The following ARID4B variants were observed in gnomAD, a reference collection of about 807,000 sequenced individuals.
ARID4B encodes AT-rich interaction domain 4B.
A neutral mutation model predicts 147.5 loss-of-function variants in ARID4B; 26 were observed. The ratio of observed to expected loss-of-function variants is 0.18; its 90% CI spans 0.13 to 0.24. The LOEUF (loss-of-function observed/expected upper bound fraction) is 0.24. Among genes scored for constraint, ARID4B ranks in the 10% least tolerant of loss-of-function variants. The pLI, the probability that ARID4B is intolerant of heterozygous loss-of-function variation, is 1.00. For missense variants in ARID4B, 1,179 were observed against 1,511.5 expected (o/e 0.78, Z 3.65); for synonymous variants, 512 against 507.9 (o/e 1.01, Z -0.11).
intron 2 of ARID4B, among the ~76,000 whole-genome samples, chr1:235,267,240 G>A (rs1032915577): frequency 2.0e-5 from 3 of 152,012 alleles, no homozygotes; most frequent in African/African-American, 4.8e-5. Context: ...ACTGCAACAC[G>A]GCACTCCAGC....
At chr1:235,207,456 C>T (rs1666380850) in intron 17 of ARID4B, among the ~76,000 whole-genome samples, 1 of 151,864 alleles carries the variant, frequency 6.6e-6, no homozygotes, top group South Asian at 2.1e-4. Context: ...CAGATGAGTA[C>T]TATAAAGCAA....
At chr1:235,274,353 TGACA>T (rs1671184841) in intron 2 of ARID4B, among the ~76,000 whole-genome samples, 2 of 151,840 alleles carry the variant, frequency 1.3e-5, no homozygotes, top group Non-Finnish European at 2.9e-5. Context: ...CCAGCCTGGG[TGACA>T]GTGAGACTCC....
chr1:235,178,227 A>T (rs898365761), intron 20 of ARID4B, among the ~76,000 whole-genome samples: 1 of 152,196 alleles, frequency 6.6e-6, no homozygotes, highest in African/African-American at 2.4e-5. Flanking sequence ...AATTAAAAGT[A>T]TATGCTGAAA....
Position 235,242,556 on chromosome 1 carries a change from G to C in ARID4B, c.447-2105C>G, listed in dbSNP as rs143129518. On this transcript the variant is annotated intron_variant, in intron 7 of 23. Coordinates refer to ENST00000264183, the MANE Select transcript of ARID4B (RefSeq NM_016374.6). Reference sequence around the variant, plus strand: ...AAGACTCATTCAGCTAGGGGTTTATGAACACTCTATTATCAGTAGCAGCTA... The same window carrying C: ...AAGACTCATTCAGCTAGGGGTTTATCAACACTCTATTATCAGTAGCAGCTA... Among the ~76,000 whole-genome samples the C allele has an allele frequency of 2.6e-3, 399 of 152,262 alleles. 2 individuals carry two copies. Among genetic ancestry groups the C allele is most frequent in the Middle Eastern group, 0.024 (7 of 294 alleles).
At chr1:235,226,039 T>C (rs12032572) in intron 11 of ARID4B, among the ~76,000 whole-genome samples, 44,769 of 152,116 alleles carry the variant, frequency 0.29, 7,707 homozygotes, top group South Asian at 0.53. Flanking sequence ...AATGTTCCCA[T>C]GGTACAATAT....
chr1:235,277,649 GTTTTGT>G (rs1671427415), intron 2 of ARID4B, among the ~76,000 whole-genome samples: 3 of 34,188 alleles, frequency 8.8e-5, no homozygotes, highest in Non-Finnish European at 1.8e-4. Context: ...TGTTTCATTG[GTTTTGT>G]TTTACATTTT....
At chr1:235,231,042 A>C (rs1410174550) in intron 10 of ARID4B, 71 bp downstream of exon 10, 1 of 1,106,992 alleles carries the variant, frequency 9.0e-7, no homozygotes, top group Admixed American at 2.4e-5. Flanking sequence ...AAGAGCAAAG[A>C]AAAATTTAAT....
intron 22 of ARID4B, 121 bp downstream of exon 22, chr1:235,175,063 C>T (rs2102904518): frequency 2.4e-6 from 2 of 846,434 alleles, no homozygotes; most frequent in Admixed American, 2.3e-5. Flanking sequence ...GCCAAGATCG[C>T]ACCACCGCAC....
At chr1:235,257,517 C>CT (rs1490079779) in intron 3 of ARID4B, among the ~76,000 whole-genome samples, 12 of 150,970 alleles carry the variant, frequency 7.9e-5, no homozygotes, top group African/African-American at 2.9e-4. Flanking sequence ...CAGTCTCACT[C>CT]TGTCGCCCAG....
intron 16 of ARID4B, among the ~76,000 whole-genome samples, chr1:235,216,574 C>T (rs1667096689): frequency 6.6e-6 from 1 of 152,088 alleles, no homozygotes; most frequent in Non-Finnish European, 1.5e-5. Flanking sequence ...AACTCCTGAC[C>T]TCAGGTGATC....
intron 17 of ARID4B, among the ~76,000 whole-genome samples, chr1:235,208,206 T>C (rs1666454175): frequency 1.3e-5 from 2 of 152,242 alleles, no homozygotes; most frequent in Non-Finnish European, 2.9e-5. Context: ...CAGTTGTTAC[T>C]AAACAAAGAA....
chr1:235,196,419 T>C (rs1331102612), intron 17 of ARID4B, among the ~76,000 whole-genome samples: 2 of 152,214 alleles, frequency 1.3e-5, no homozygotes, highest in African/African-American at 4.8e-5. Flanking sequence ...GTACAGTAAG[T>C]ATTAAGATAA....
intron 17 of ARID4B, among the ~76,000 whole-genome samples, chr1:235,210,759 C>T (rs1666663364): frequency 6.6e-6 from 1 of 152,164 alleles, no homozygotes; most frequent in South Asian, 2.1e-4. Flanking sequence ...TTCACAGTAA[C>T]ACAAGCATGT....
Position 235,220,333 on chromosome 1 carries a change from A to C in ARID4B, c.1376T>G (p.Ile459Ser). ...PREEKPIEDEIERKENIKPSL... is the reference protein window; with the variant it reads ...PREEKPIEDESERKENIKPSL... ...GGGCTTAATATTTTCTTTTCTTTCA[A>C]TTTCATCCTCAATAGGCTTTTCTTC... Residue 459 changes from isoleucine to serine, a missense_variant, in exon 15 of 24, where the codon ATT becomes AGT. Physicochemically the swap from Ile to Ser is moderately radical, Grantham distance 142. Transcript: ENST00000264183. 6.2e-7 allele frequency: 1 copy of C among 1,603,930 alleles called. No homozygotes were observed. Among genetic ancestry groups the C allele is most frequent in the Non-Finnish European group, 8.5e-7 (1 of 1,176,240 alleles).
rs1346695164 is a variant in ARID4B, at chr1:235,221,667, T to A, written c.1066-5A>T. 1.3e-6 allele frequency: 2 copies of A among 1,553,694 alleles called. No homozygotes were observed. Among genetic ancestry groups the A allele is most frequent in the South Asian group, 1.1e-5 (1 of 88,368 alleles). On this transcript the variant is annotated splice_region_variant and splice_polypyrimidine_tract_variant and intron_variant, in intron 13 of 23. Coordinates refer to ENST00000264183, the MANE Select transcript of ARID4B (RefSeq NM_016374.6). Reference sequence around the variant, plus strand: ...CCAAACAGCTCCACTTTCAATCTAATGGACAAAGTGAAACAAAAACTCTCA... The same window carrying A: ...CCAAACAGCTCCACTTTCAATCTAAAGGACAAAGTGAAACAAAAACTCTCA...
At chr1:235,192,186 A>G (rs937770703) in intron 19 of ARID4B, among the ~76,000 whole-genome samples, 5 of 152,232 alleles carry the variant, frequency 3.3e-5, no homozygotes, top group African/African-American at 1.2e-4. Flanking sequence ...GGATTACACA[A>G]AAGTCCAGAC....
intron 19 of ARID4B, among the ~76,000 whole-genome samples, chr1:235,183,476 G>A (rs888873172): frequency 4.6e-5 from 7 of 152,170 alleles, no homozygotes; most frequent in Non-Finnish European, 1.0e-4. Flanking sequence ...CCAAAGTGCT[G>A]GGATTACAGG....
At chr1:235,256,597 C>A (rs1670005493) in intron 4 of ARID4B, among the ~76,000 whole-genome samples, 1 of 152,192 alleles carries the variant, frequency 6.6e-6, no homozygotes, top group Non-Finnish European at 1.5e-5. Context: ...AACTCTCCAA[C>A]TGTTAGTGTA....
At chr1:235,201,746 C>A (rs577137703) in intron 17 of ARID4B, among the ~76,000 whole-genome samples, 1 of 151,802 alleles carries the variant, frequency 6.6e-6, no homozygotes, top group South Asian at 2.1e-4. Context: ...CAGCTGGGCA[C>A]GGTGGCGCAT....
Sources: gnomAD v4.1 joint callset for allele counts (sites outside exome capture counted in the v4.1 genomes callset) on GRCh38, gnomAD v4.1.1 for gene constraint, MANE v1.5 for transcripts, NCBI Gene and HGNC (gene_info 2026-07-23, HGNC 2026-07-21) for gene names.